The following SBF2 variants were observed in gnomAD, a reference collection of about 807,000 sequenced individuals.
The protein encoded by SBF2 is SET binding factor 2.
In SBF2, 112 loss-of-function variants were observed where a neutral mutation model predicts 225.2. The ratio of observed to expected loss-of-function variants is 0.50; its 90% CI spans 0.43 to 0.58. SBF2 has a LOEUF of 0.58. Ranked by LOEUF, SBF2 falls within the 20% of genes least tolerant of loss-of-function variation. The probability of loss-of-function intolerance (pLI) is 0.00; values close to 1 mark genes in which losing one functional copy is unlikely to be tolerated. For missense variants in SBF2, 1,996 were observed against 2,206.2 expected (o/e 0.90, Z 1.91); for synonymous variants, 763 against 773.3 (o/e 0.99, Z 0.22).
At chr11:10,071,483 G>A (rs945380062) in intron 2 of SBF2, among the ~76,000 whole-genome samples, 3 of 152,004 alleles carry the variant, frequency 2.0e-5, no homozygotes, top group African/African-American at 7.2e-5. Flanking sequence ...AGCCAGGATG[G>A]TCTTGATTTC....
chr11:10,241,063 G>A (rs1959204945), intron 1 of SBF2, among the ~76,000 whole-genome samples: 1 of 152,172 alleles, frequency 6.6e-6, no homozygotes, highest in Non-Finnish European at 1.5e-5. Context: ...ATACAAGAGA[G>A]AAAGTGGCCA....
intron 26 of SBF2, chr11:9,838,075 T>C: frequency 6.6e-6 from 1 of 151,186 alleles, no homozygotes. Context: ...AACCCTGATC[T>C]CTTTCTTTGA....
At chr11:10,170,439 A>G (rs1956139727) in intron 2 of SBF2, among the ~76,000 whole-genome samples, 2 of 151,896 alleles carry the variant, frequency 1.3e-5, no homozygotes, top group Admixed American at 6.6e-5. Context: ...TTCCCTGTAG[A>G]TATACAGATT....
Position 9,842,746 on chromosome 11 carries a change from T to G in SBF2, c.3135A>C (p.Lys1045Asn). 6.2e-7 allele frequency: 1 copy of G among 1,614,124 alleles called. No individual in the cohort carries two copies. Among genetic ancestry groups the G allele is most frequent in the Non-Finnish European group, 8.5e-7 (1 of 1,179,998 alleles). Reference sequence around the variant, plus strand: ...TCATTTTCCCTGCCCTTTTGGCACCTTTCACAATTGTTTTTGAGAAGGTAC... The same window carrying G: ...TCATTTTCCCTGCCCTTTTGGCACCGTTCACAATTGTTTTTGAGAAGGTAC... ...SFRTFSKTIV[K>N]GAKRAGKMTI... is the part of the protein sequence containing the mutation. Residue 1045 changes from lysine (K) to asparagine (N), a missense_variant, in exon 25 of 40, where the codon AAA becomes AAC. Lys to Asn is a moderately conservative substitution (Grantham distance 94, BLOSUM62 0). Transcript: ENST00000256190.
At chr11:10,042,038 T>G (rs1266349779) in intron 3 of SBF2, among the ~76,000 whole-genome samples, 1 of 152,114 alleles carries the variant, frequency 6.6e-6, no homozygotes, top group African/African-American at 2.4e-5. Flanking sequence ...GTCAGCAGTA[T>G]GAGACTAAAG....
upstream of SBF2, among the ~76,000 whole-genome samples, chr11:10,294,818 C>T (rs868095762): frequency 2.0e-5 from 3 of 152,344 alleles, no homozygotes; most frequent in South Asian, 2.1e-4. Context: ...CACCGAGGAA[C>T]GCGGCATCCC....
At position 10,050,820 on chromosome 11, in the gene SBF2, T is replaced by A. The variant is rs375663859; in HGVS notation, c.142-7839A>T. 4.6e-5 allele frequency among the ~76,000 whole-genome samples: 7 copies of A among 152,236 alleles called. 1 individual carries two copies. The East Asian group carries it at 7.7e-4, about 17-fold the overall frequency. ...ATATCCCAGGTGGGATGGTGTGAGA[T>A]TTCATCATACTACTCAGATGGTGCA... On this transcript the variant is annotated intron_variant, in intron 2 of 39. Coordinates refer to ENST00000256190, the MANE Select transcript of SBF2 (RefSeq NM_030962.4).
At chr11:10,191,547 G>C (rs1347882210) in intron 2 of SBF2, among the ~76,000 whole-genome samples, 4 of 152,180 alleles carry the variant, frequency 2.6e-5, no homozygotes, top group South Asian at 2.1e-4. Context: ...GAAAATTTCT[G>C]ACGTAATCCA....
chr11:10,283,742 C>T (rs1171767015), intron 1 of SBF2, among the ~76,000 whole-genome samples: 1 of 152,144 alleles, frequency 6.6e-6, no homozygotes, highest in Admixed American at 6.6e-5. Flanking sequence ...TAAATAACTT[C>T]ACATATTAGA....
chr11:9,925,380 C>T (rs1035951851), intron 16 of SBF2, among the ~76,000 whole-genome samples: 23 of 152,150 alleles, frequency 1.5e-4, no homozygotes, highest in African/African-American at 3.4e-4. Flanking sequence ...CGGCTTCAAG[C>T]GATTTTCCTG....
At chr11:9,940,874 A>G (rs1865213186) in intron 16 of SBF2, among the ~76,000 whole-genome samples, 1 of 152,210 alleles carries the variant, frequency 6.6e-6, no homozygotes, top group Non-Finnish European at 1.5e-5. Context: ...ATACAAAGGC[A>G]AAGAGTTTAT....
chr11:10,211,887 T>C (rs1957955740), intron 1 of SBF2, among the ~76,000 whole-genome samples: 1 of 152,224 alleles, frequency 6.6e-6, no homozygotes, highest in African/African-American at 2.4e-5. Context: ...TTCTACCAAG[T>C]TCTGTTTCTA....
rs1214507322 is a variant in SBF2 at position 10,029,799 on chromosome 11, C to G, written c.479G>C (p.Cys160Ser). The G allele has an allele frequency of 6.2e-7, 1 of 1,613,750 alleles. No homozygotes were observed. Among genetic ancestry groups the G allele is most frequent in the Admixed American group, 1.7e-5 (1 of 59,996 alleles). ...TCCAGCCGCTGGGACAAGGCAGGCA[C>G]AAAGGTTTGCAATTAGACTTTCCAA... ...VSLESLIANL[C>S]ACLVPAAGGS... Residue 160 changes from cysteine (C) to serine (S), a missense_variant, in exon 5 of 40, where the codon TGT (cysteine) becomes TCT (serine). Transcript: ENST00000256190.
At chr11:10,073,635 TG>T (rs1221026993) in intron 2 of SBF2, among the ~76,000 whole-genome samples, 2 of 152,076 alleles carry the variant, frequency 1.3e-5, no homozygotes, top group African/African-American at 4.8e-5. Context: ...GAGAATTGCC[TG>T]AAACTGGGAG....
intron 2 of SBF2, among the ~76,000 whole-genome samples, chr11:10,050,643 T>C (rs1950026515): frequency 6.6e-6 from 1 of 152,164 alleles, no homozygotes; most frequent in African/African-American, 2.4e-5. Context: ...TTAATGCCTC[T>C]GTGATGAGAT....
chr11:10,000,965 C>A lies in SBF2; in HGVS notation c.810G>T (p.Thr270=), dbSNP rs769963369. The change falls in exon 8 of 40, where the codon ACG becomes ACT. Residue 270 remains threonine, a synonymous_variant. Transcript: ENST00000256190. ...AQLLEVLSSP[T]PFIIGVHSVF... ...CAGAATGTACTCCAATAATGAAAGG[C>A]GTTGGGGAACTTAGAACTTCCAGTA... 6.2e-7 allele frequency: 1 copy of A among 1,607,046 alleles called. No homozygotes were observed. The highest frequency in any genetic ancestry group is 2.2e-5 in the East Asian group (1 of 44,730).
intron 2 of SBF2, among the ~76,000 whole-genome samples, chr11:10,171,077 T>G (rs1018083892): frequency 6.6e-6 from 1 of 152,214 alleles, no homozygotes; most frequent in Non-Finnish European, 1.5e-5. Flanking sequence ...AGATCCATCA[T>G]CTGCAAAGAA....
At chr11:10,207,671 T>C (rs551574546) in intron 1 of SBF2, among the ~76,000 whole-genome samples, 8 of 152,100 alleles carry the variant, frequency 5.3e-5, no homozygotes, top group Admixed American at 2.0e-4. Context: ...TTAATCTGAG[T>C]ATGACCCTAA....
intron 16 of SBF2, among the ~76,000 whole-genome samples, chr11:9,956,248 G>A (rs930843700): frequency 6.6e-6 from 1 of 152,124 alleles, no homozygotes; most frequent in Non-Finnish European, 1.5e-5. Context: ...GTCTCTTGAT[G>A]TATGTGGGCA....
Sources: gnomAD v4.1 joint callset for allele counts (sites outside exome capture counted in the v4.1 genomes callset) on GRCh38, gnomAD v4.1.1 for gene constraint, MANE v1.5 for transcripts, NCBI Gene and HGNC (gene_info 2026-07-23, HGNC 2026-07-21) for gene names.